The following GMPS variants were observed in gnomAD, a reference collection of about 807,000 sequenced individuals.
GMPS encodes the protein GMP synthase [glutamine-hydrolyzing].
Under a neutral mutation model 77.9 loss-of-function variants are expected in GMPS, and 15 were observed. That is an observed-to-expected ratio of 0.19 (90% CI 0.13 to 0.30). The LOEUF (loss-of-function observed/expected upper bound fraction) is 0.30. GMPS is among the 10% of genes least tolerant of loss of function. GMPS has a pLI of 1.00. For missense variants in GMPS, 590 were observed against 838.8 expected, an observed-to-expected ratio of 0.70 and a Z score of 3.66; for synonymous variants, 224 against 275.9, an observed-to-expected ratio of 0.81 and a Z score of 1.86.
At chr3:155,873,638 C>CTTTGTTTTTTTTTTTTTTTTT (rs1753954900) in intron 1 of GMPS, among the ~76,000 whole-genome samples, 1 of 82,572 alleles carries the variant, frequency 1.2e-5, no homozygotes, top group Non-Finnish European at 2.2e-5. Context: ...TGAGTAAGTT[C>CTTTGTTTTTTTTTTTTTTTTT]TTTTTTTTTT....
chr3:155,914,694 G>T, intron 8 of GMPS, 124 bp downstream of exon 8: 1 of 567,030 alleles, frequency 1.8e-6, no homozygotes. Context: ...TTATGTGGCT[G>T]AGAGTTTTAT....
Position 155,870,694 on chromosome 3 carries a change from C to T in GMPS, c.-177C>T. ...TTCTCTCCCGCGGCGCTGGGGCCCGCGCTCCGCTGCTGTTGCTCCATTCGG... is the reference window on the plus strand; with the variant it reads ...TTCTCTCCCGCGGCGCTGGGGCCCGTGCTCCGCTGCTGTTGCTCCATTCGG... On this transcript the variant is annotated 5_prime_UTR_variant, in exon 1 of 16. Coordinates refer to ENST00000496455, the MANE Select transcript of GMPS (RefSeq NM_003875.3). The T allele has an allele frequency of 9.6e-6, 5 of 521,634 alleles. No homozygotes were observed. Among genetic ancestry groups the T allele is most frequent in the Non-Finnish European group, 1.7e-5 (5 of 294,114 alleles). The allele number at this position is 521,634 out of a possible 1,614,324, so 32.3% of individuals were successfully genotyped here. A position where few individuals can be genotyped will look rare whatever the true frequency, so the allele number is the denominator to read the frequency against.
Position 155,916,135 on chromosome 3 carries a change from T to C in GMPS, c.1155T>C (p.Ala385=), listed in dbSNP as rs574699490. Residue 385 remains alanine, a synonymous_variant, in exon 9 of 16, where the codon GCT becomes GCC. Coordinates refer to ENST00000496455, the MANE Select transcript of GMPS (RefSeq NM_003875.3). ...ESASLVASGK[A]ELIKTHHNDT... ...CATCCCTTGTTGCAAGTGGCAAAGC[T>C]GAACTCATCAAAACCCATCACAATG... 235 of 1,613,682 alleles carry C rather than the reference T, an allele frequency of 1.5e-4. 1 individual carries two copies. The South Asian group carries it at 2.5e-3, about 17-fold the overall frequency.
intron 1 of GMPS, among the ~76,000 whole-genome samples, chr3:155,892,625 G>A (rs1754499360): frequency 6.6e-6 from 1 of 152,132 alleles, no homozygotes; most frequent in Non-Finnish European, 1.5e-5. Flanking sequence ...GATTTAAAAA[G>A]TCTTTTTATT....
At position 155,911,068 on chromosome 3, in the gene GMPS, C is replaced by A. The variant is rs916808924; in HGVS notation, c.721-46C>A. 9 of 1,473,584 alleles carry A rather than the reference C, an allele frequency of 6.1e-6. No individual in the cohort carries two copies. The African/African-American group carries it at 1.1e-4, about 18-fold the overall frequency. The allele number at this position is 1,473,584 out of a possible 1,614,324, so 91.3% of individuals were successfully genotyped here. A position where few individuals can be genotyped will look rare whatever the true frequency, so the allele number is the denominator to read the frequency against. ...GATTTAAGCCAATAGTGTTTATTTTCTTTTTGCTTGTTTTGCTCATTTTGA... is the reference window on the plus strand; with the variant it reads ...GATTTAAGCCAATAGTGTTTATTTTATTTTTGCTTGTTTTGCTCATTTTGA... On this transcript the variant is annotated intron_variant, in intron 6 of 15. Transcript: ENST00000496455.
intron 5 of GMPS, among the ~76,000 whole-genome samples, chr3:155,907,325 C>T (rs1444990506): frequency 6.6e-6 from 1 of 152,146 alleles, no homozygotes; most frequent in Non-Finnish European, 1.5e-5. Context: ...TGGCTCTCAC[C>T]TATAATTCCA....
chr3:155,873,247 A>G (rs1043386011), intron 1 of GMPS, among the ~76,000 whole-genome samples: 17 of 152,134 alleles, frequency 1.1e-4, no homozygotes, highest in African/African-American at 3.9e-4. Flanking sequence ...CATTTGGGTT[A>G]TTTTAATTAT....
chr3:155,932,345 A>G (rs1755648694), intron 13 of GMPS, among the ~76,000 whole-genome samples: 1 of 152,008 alleles, frequency 6.6e-6, no homozygotes, highest in African/African-American at 2.4e-5. Flanking sequence ...CCCACTCCAA[A>G]CAAAAATGGA....
intron 7 of GMPS, among the ~76,000 whole-genome samples, chr3:155,913,892 A>G (rs1051411356): frequency 6.6e-6 from 1 of 152,052 alleles, no homozygotes; most frequent in Non-Finnish European, 1.5e-5. Context: ...ACAAAATTTA[A>G]TGAGTGCCTG....
At position 155,943,692 on chromosome 3, in the gene GMPS, C is replaced by T. The variant is rs1755948179; in HGVS notation, c.*6000C>T. 1.2e-5 allele frequency: 2 copies of T among 171,912 alleles called. No individual in the cohort carries two copies. The allele number at this position is 171,912 out of a possible 1,614,324, so 10.6% of individuals were successfully genotyped here. ...GCTAAATGTGAAATGACTTTAATCC[C>T]TTTTGTCTTCAATATACTTCATAAA... On this transcript the variant is annotated 3_prime_UTR_variant, in exon 16 of 16. Transcript: ENST00000496455.
Position 155,937,842 on chromosome 3 carries a change from G to A in GMPS, c.*150G>A. 1 of 583,000 alleles carries A rather than the reference G, an allele frequency of 1.7e-6. No individual in the cohort carries two copies. The highest frequency in any genetic ancestry group is 2.8e-5 in the East Asian group (1 of 35,710). The allele number at this position is 583,000 out of a possible 1,614,324, so 36.1% of individuals were successfully genotyped here. Reference sequence around the variant, plus strand: ...AGCAAAAATCTACGGCTTAAGAGCTGAGTTGGGGATAACCAAAAGGGACTG... The same window carrying A: ...AGCAAAAATCTACGGCTTAAGAGCTAAGTTGGGGATAACCAAAAGGGACTG... On this transcript the variant is annotated 3_prime_UTR_variant, in exon 16 of 16. Coordinates refer to ENST00000496455, the MANE Select transcript of GMPS (RefSeq NM_003875.3).
intron 5 of GMPS, among the ~76,000 whole-genome samples, 158 bp from the exon 6 acceptor site, chr3:155,910,534 A>C (rs1040316343): frequency 1.4e-5 from 2 of 145,590 alleles, no homozygotes; most frequent in African/African-American, 5.2e-5. Flanking sequence ...ATGCCACTGC[A>C]CTCCAGCCTG....
At position 155,941,297 on chromosome 3, in the gene GMPS, G is replaced by A. The variant is rs929359967; in HGVS notation, c.*3605G>A. Reference sequence around the variant, plus strand: ...CGGGTGCCTGTAGTCCCAGCTACTCGGGAGGCTGAGGCAGGAGAATGGCCT... The same window carrying A: ...CGGGTGCCTGTAGTCCCAGCTACTCAGGAGGCTGAGGCAGGAGAATGGCCT... On this transcript the variant is annotated 3_prime_UTR_variant, in exon 16 of 16. Coordinates refer to ENST00000496455, the MANE Select transcript of GMPS (RefSeq NM_003875.3). 2 of 177,334 alleles carry A rather than the reference G, an allele frequency of 1.1e-5. No homozygotes were observed. The highest frequency in any genetic ancestry group is 2.4e-5 in the Non-Finnish European group (2 of 82,548). 11.0% of individuals were successfully genotyped at this position (177,334 alleles called of 1,614,324 possible).
intron 2 of GMPS, among the ~76,000 whole-genome samples, chr3:155,897,686 C>T (rs9825321): frequency 0.19 from 28,742 of 152,150 alleles, 2,888 homozygotes; most frequent in South Asian, 0.26. Flanking sequence ...GAAGTTTGTG[C>T]TTATTAACAA....
chr3:155,920,812 A>T (rs1169393633), intron 10 of GMPS, among the ~76,000 whole-genome samples: 1 of 152,166 alleles, frequency 6.6e-6, no homozygotes, highest in Non-Finnish European at 1.5e-5. Flanking sequence ...TGGACTAGGG[A>T]ATTAATTGGA....
chr3:155,900,938 A>T (rs569441206), intron 3 of GMPS, among the ~76,000 whole-genome samples: 7 of 152,206 alleles, frequency 4.6e-5, no homozygotes, highest in African/African-American at 1.7e-4. Context: ...AATTTGAGCA[A>T]TTTCAGTGTC....
At chr3:155,873,638 C>CTTTTTTTTTCTTTT (rs1753955125) in intron 1 of GMPS, among the ~76,000 whole-genome samples, 1 of 82,576 alleles carries the variant, frequency 1.2e-5, no homozygotes, top group Non-Finnish European at 2.2e-5. Flanking sequence ...TGAGTAAGTT[C>CTTTTTTTTTCTTTT]TTTTTTTTTT....
At position 155,940,344 on chromosome 3, in the gene GMPS, A is replaced by G. The variant is rs1755859247; in HGVS notation, c.*2652A>G. ...ACAGCCTGGCATAATTCCTAAATAC[A>G]AGTCTGTAGATATATCCAGGAGATA... On this transcript the variant is annotated 3_prime_UTR_variant, in exon 16 of 16. Coordinates refer to ENST00000496455, the MANE Select transcript of GMPS (RefSeq NM_003875.3). 1 of 201,558 alleles carries G rather than the reference A, an allele frequency of 5.0e-6. No homozygotes were observed. The highest frequency in any genetic ancestry group is 1.0e-5 in the Non-Finnish European group (1 of 98,178). 12.5% of individuals were successfully genotyped at this position (201,558 alleles called of 1,614,324 possible).
At chr3:155,906,319 A>G in intron 5 of GMPS, 56 bp downstream of exon 5, 1 of 954,950 alleles carries the variant, frequency 1.0e-6, no homozygotes, top group South Asian at 1.4e-5. Context: ...CTGAAGAGTA[A>G]GCATATGCTT....
Sources: gnomAD v4.1 joint callset for allele counts (sites outside exome capture counted in the v4.1 genomes callset) on GRCh38, gnomAD v4.1.1 for gene constraint, MANE v1.5 for transcripts, NCBI Gene and HGNC (gene_info 2026-07-23, HGNC 2026-07-21) for gene names.